Variants in FOXJ3 observed in about 807,000 individuals in gnomAD.
The protein encoded by FOXJ3 is forkhead box J3, also known as forkhead box protein J3.
FOXJ3 carries 22 observed loss-of-function variants against 76.1 expected under a neutral mutation model. The ratio of observed to expected loss-of-function variants is 0.29; its 90% CI spans 0.21 to 0.41. The LOEUF (loss-of-function observed/expected upper bound fraction) is 0.41, where lower values mean the gene tolerates loss of function less well. FOXJ3 is among the 10% of genes least tolerant of loss of function. The pLI, the probability that FOXJ3 is intolerant of heterozygous loss-of-function variation, is 1.00. For missense variants in FOXJ3, 613 were observed against 762.1 expected (o/e 0.80, Z 2.30); for synonymous variants, 269 against 261.2 (o/e 1.03, Z -0.29).
intron 2 of FOXJ3, among the ~76,000 whole-genome samples, chr1:42,285,011 A>C (rs1652959734): frequency 6.6e-6 from 1 of 152,222 alleles, no homozygotes. Flanking sequence ...GTTATTTTAA[A>C]AGTATATATT....
At chr1:42,208,564 T>C (rs577952043) in intron 5 of FOXJ3, among the ~76,000 whole-genome samples, 3 of 152,184 alleles carry the variant, frequency 2.0e-5, no homozygotes, top group Admixed American at 2.0e-4. Flanking sequence ...TCACATATAA[T>C]AAGTCCATAG....
intron 5 of FOXJ3, among the ~76,000 whole-genome samples, chr1:42,219,621 C>T (rs1647139692): frequency 6.6e-6 from 1 of 152,168 alleles, no homozygotes. Context: ...AACTTTAGGT[C>T]TTTAAATGAT....
chr1:42,195,295 G>C (rs768471388), intron 7 of FOXJ3, among the ~76,000 whole-genome samples: 1 of 152,150 alleles, frequency 6.6e-6, no homozygotes, highest in Non-Finnish European at 1.5e-5. Context: ...TTCACAGAAG[G>C]AAAGAATTCA....
chr1:42,291,431 G>A (rs56653605), intron 2 of FOXJ3, among the ~76,000 whole-genome samples: 67,861 of 151,996 alleles, frequency 0.45, 17,429 homozygotes, highest in Non-Finnish European at 0.56. Flanking sequence ...TTCAAAGACA[G>A]TGTTAGGAGA....
chr1:42,332,760 G>C (rs927596215), intron 1 of FOXJ3, among the ~76,000 whole-genome samples: 6 of 152,100 alleles, frequency 3.9e-5, no homozygotes, highest in African/African-American at 1.4e-4. Context: ...CAAGCTCCTT[G>C]ATATCATTTG....
chr1:42,178,167 C>T lies in FOXJ3; in HGVS notation c.*1543G>A, dbSNP rs1377377670. ...CATTTCAAAGAAAGGGACCAAATGT[C>T]ATGCATACACAGACATACAAGACAA... is the stretch of plus-strand genomic sequence containing the variant. On this transcript the variant is annotated 3_prime_UTR_variant, in exon 13 of 13. Transcript: ENST00000361346. The T allele has an allele frequency of 6.6e-6, 1 of 152,380 alleles. No individual in the cohort carries two copies. Among genetic ancestry groups the T allele is most frequent in the Non-Finnish European group, 1.5e-5 (1 of 68,040 alleles). 9.4% of individuals were successfully genotyped at this position (152,380 alleles called of 1,614,324 possible). A position where few individuals can be genotyped will look rare whatever the true frequency, so the allele number is the denominator to read the frequency against.
chr1:42,191,494 G>C lies in FOXJ3; in HGVS notation c.1160C>G (p.Pro387Arg), dbSNP rs377432876. Residue 387 changes from proline (P) to arginine (R), a missense_variant, in exon 9 of 13, where the codon CCG (proline) becomes CGG (arginine). Around this residue, in one of 3 missense-constraint regions of FOXJ3, gnomAD observed 526 missense variants for 601.4 expected, o/e 0.87. Transcript: ENST00000361346. ...TQPSPHPPHR[P>R]HGLPQHPQRS... ...CTGCGGATGCTGCGGTAAACCATGCGGTCGATGGGGAGGATGTGGAGATGG... is the reference window on the plus strand; with the variant it reads ...CTGCGGATGCTGCGGTAAACCATGCCGTCGATGGGGAGGATGTGGAGATGG... The C allele has an allele frequency of 6.2e-7, 1 of 1,613,912 alleles. No individual in the cohort carries two copies. The highest frequency in any genetic ancestry group is 2.2e-5 in the East Asian group (1 of 44,876).
chr1:42,315,605 C>CT (rs1236823444), intron 1 of FOXJ3: 1 of 159,420 alleles, frequency 6.3e-6, no homozygotes, highest in Non-Finnish European at 1.3e-5. Context: ...CCTTAAATGA[C>CT]GTCCTGAACC....
At chr1:42,237,434 A>T (rs1417488978) in intron 4 of FOXJ3, among the ~76,000 whole-genome samples, 1 of 144,530 alleles carries the variant, frequency 6.9e-6, no homozygotes, top group African/African-American at 2.5e-5. Flanking sequence ...ATATACATAC[A>T]TACATATATA....
chr1:42,324,200 A>ATATATACACTGTGTATATACAG (rs1262411880), intron 1 of FOXJ3, among the ~76,000 whole-genome samples: 1 of 16,632 alleles, frequency 6.0e-5, no homozygotes. Context: ...TATATATACT[A>ATATATACACTGTGTATATACAG]TATATATACT....
intron 3 of FOXJ3, among the ~76,000 whole-genome samples, chr1:42,275,499 G>A (rs1159638789): frequency 6.6e-6 from 1 of 152,004 alleles, no homozygotes. Flanking sequence ...ACCAGTCCAG[G>A]CAACATAGCA....
At chr1:42,317,020 G>C (rs2124768618) in intron 1 of FOXJ3, among the ~76,000 whole-genome samples, 1 of 151,898 alleles carries the variant, frequency 6.6e-6, no homozygotes, top group South Asian at 2.1e-4. Context: ...AAAACCTACT[G>C]AAATAAAAAA....
intron 2 of FOXJ3, among the ~76,000 whole-genome samples, chr1:42,294,580 G>A (rs529006383): frequency 5.9e-5 from 9 of 152,136 alleles, no homozygotes; most frequent in African/African-American, 1.4e-4. Flanking sequence ...CCAACATGGC[G>A]AAACCCCATC....
intron 4 of FOXJ3, among the ~76,000 whole-genome samples, chr1:42,261,267 G>A (rs1651013980): frequency 2.6e-5 from 4 of 151,618 alleles, no homozygotes; most frequent in Admixed American, 2.0e-4. Context: ...CAAAAGACGG[G>A]ATTTAAAAAA....
At chr1:42,208,120 T>A (rs1557638158) in intron 5 of FOXJ3, among the ~76,000 whole-genome samples, 1 of 152,256 alleles carries the variant, frequency 6.6e-6, no homozygotes, top group Non-Finnish European at 1.5e-5. Flanking sequence ...AAGATGATTA[T>A]GCTACTTCCT....
intron 5 of FOXJ3, among the ~76,000 whole-genome samples, chr1:42,211,528 T>C (rs1245584174): frequency 1.3e-5 from 2 of 151,910 alleles, no homozygotes; most frequent in East Asian, 3.9e-4. Flanking sequence ...GCTGGGAACT[T>C]TGCCCACCAC....
intron 11 of FOXJ3, among the ~76,000 whole-genome samples, chr1:42,183,454 C>T (rs1067161): frequency 0.26 from 39,338 of 150,418 alleles, 5,357 homozygotes; most frequent in South Asian, 0.34. Flanking sequence ...TAACAGGAGA[C>T]ATCAAGTGTT....
intron 11 of FOXJ3, among the ~76,000 whole-genome samples, chr1:42,188,330 G>A (rs568399706): frequency 2.0e-5 from 3 of 152,076 alleles, no homozygotes; most frequent in Non-Finnish European, 4.4e-5. Flanking sequence ...CAAACACTTC[G>A]AATTGTTCAA....
intron 1 of FOXJ3, among the ~76,000 whole-genome samples, chr1:42,319,411 T>C (rs1655306987): frequency 6.6e-6 from 1 of 152,194 alleles, no homozygotes; most frequent in Non-Finnish European, 1.5e-5. Flanking sequence ...AGATTACATA[T>C]TGTATGATTC....
Sources: allele counts gnomAD v4.1 joint callset (sites outside exome capture counted in the v4.1 genomes callset), GRCh38; gene constraint gnomAD v4.1.1; regional missense constraint gnomAD v4.1.1; transcripts MANE v1.5; gene names NCBI Gene and HGNC (gene_info 2026-07-23, HGNC 2026-07-21).